FBN2: variants seen among roughly 807,000 people sequenced by gnomAD.
The protein encoded by FBN2 is fibrillin-2.
In FBN2, 105 loss-of-function variants were observed where a neutral mutation model predicts 355.6. That is an observed-to-expected ratio of 0.30 (90% CI 0.25 to 0.35). The LOEUF (loss-of-function observed/expected upper bound fraction) is 0.35, where lower values mean the gene tolerates loss of function less well. Ranked by LOEUF, FBN2 falls within the 10% of genes least tolerant of loss-of-function variation. FBN2 has a pLI of 1.00. For missense variants in FBN2, 3,280 were observed against 3,758.7 expected (o/e 0.87, Z 3.33); for synonymous variants, 1,350 against 1,301.2 (o/e 1.04, Z -0.81).
At chr5:128,476,965 C>A (rs550049728) in intron 5 of FBN2, among the ~76,000 whole-genome samples, 1 of 152,170 alleles carries the variant, frequency 6.6e-6, no homozygotes, top group Non-Finnish European at 1.5e-5. Flanking sequence ...AAAGAACACC[C>A]TGTGGTCTCT....
chr5:128,362,256 A>G (rs1751657627), intron 18 of FBN2, among the ~76,000 whole-genome samples: 1 of 152,226 alleles, frequency 6.6e-6, no homozygotes, highest in Non-Finnish European at 1.5e-5. Flanking sequence ...TAAAATTTTT[A>G]AAAAGAATGC....
rs1764890581 is a variant in FBN2 at position 128,259,107 on chromosome 5, CAA to C, written c.*346_*347del. ...TAATTAGCAACTATAGCAAAATACC[CAA>C]AGTGTTACAGACTGCTAACAGGAAA... On this transcript the variant is annotated 3_prime_UTR_variant, in exon 65 of 65. Coordinates refer to ENST00000262464, the MANE Select transcript of FBN2 (RefSeq NM_001999.4). 5.0e-6 allele frequency: 1 copy of C among 198,672 alleles called. No homozygotes were observed. The highest frequency in any genetic ancestry group is 1.0e-5 in the Non-Finnish European group (1 of 98,366). The allele number at this position is 198,672 out of a possible 1,614,324, so 12.3% of individuals were successfully genotyped here.
chr5:128,263,602 G>A lies in FBN2; in HGVS notation c.8015C>T (p.Thr2672Ile), dbSNP rs58095366. The change falls in exon 63 of 65, where the codon ACC becomes ATC. Residue 2672 changes from threonine to isoleucine, a missense_variant. Physicochemically the swap from Thr to Ile is moderately conservative, Grantham distance 89. Coordinates refer to ENST00000262464, the MANE Select transcript of FBN2 (RefSeq NM_001999.4). ...GCAGGCGCACTTGTAACTCCCCAGG[G>A]TGTTGTAGCAGGAAGCAGAGCCACA... ...NACGSASCYN[T>I]LGSYKCACPS... 4.3e-6 allele frequency: 7 copies of A among 1,614,118 alleles called. No individual in the cohort carries two copies. The African/African-American group carries it at 5.3e-5, about 12-fold the overall frequency.
Position 128,307,157 on chromosome 5 carries a change from G to T in FBN2, c.5400C>A (p.Asp1800Glu), listed in dbSNP as rs1561761126. 1.2e-6 allele frequency: 2 copies of T among 1,610,988 alleles called. No individual in the cohort carries two copies. Among genetic ancestry groups the T allele is most frequent in the Non-Finnish European group, 1.7e-6 (2 of 1,177,424 alleles). ...CACCAACAGCTTTTCCTGTGTGAAT[G>T]TCAAAGGTGAATCCAGGAATATTTC... The part of the protein sequence containing the change: ...ICGNIPGFTF[D>E]IHTGKAVDID... Residue 1800 changes from aspartate (D) to glutamate (E), a missense_variant, in exon 42 of 65, where the codon GAC becomes GAA. Asp to Glu is a conservative substitution (Grantham distance 45). This residue lies in a region of FBN2 where 2,284 missense variants were observed against 2,749.5 expected (regional missense o/e 0.83). Transcript: ENST00000262464.
At chr5:128,364,841 A>G in intron 17 of FBN2, 116 bp from the exon 18 acceptor site, 1 of 863,968 alleles carries the variant, frequency 1.2e-6, no homozygotes. Flanking sequence ...CAAACTCACA[A>G]TTTGCCTGCC....
At chr5:128,365,121 G>A in intron 17 of FBN2, 1 of 185,690 alleles carries the variant, frequency 5.4e-6, no homozygotes, top group Non-Finnish European at 1.1e-5. Flanking sequence ...TAATTTTATG[G>A]TCCCCAAAGG....
chr5:128,455,990 C>CAAAAAAAAAAAAAAAAAAAAAAAAA lies in FBN2; in HGVS notation c.826+8709_826+8733dup, dbSNP rs70997371. ...GAGCTCCTTGGGGGAGGGTTAGCAA[C>CAAAAAAAAAAAAAAAAAAAAAAAAA]AAAAAAAAAAAAAAAAAAAAAAAAA... On this transcript the variant is annotated intron_variant, in intron 6 of 64. Coordinates refer to ENST00000262464, the MANE Select transcript of FBN2 (RefSeq NM_001999.4). Among the ~76,000 whole-genome samples, 8 of 25,276 alleles carry CAAAAAAAAAAAAAAAAAAAAAAAAA rather than the reference C, an allele frequency of 3.2e-4. 2 individuals are homozygous for CAAAAAAAAAAAAAAAAAAAAAAAAA. The highest frequency in any genetic ancestry group is 5.5e-4 in the Non-Finnish European group (7 of 12,632). 16.6% of individuals were successfully genotyped at this position (25,276 alleles called of 152,430 possible). A position where few individuals can be genotyped will look rare whatever the true frequency, so the allele number is the denominator to read the frequency against.
At chr5:128,524,261 G>A (rs1189656583) in intron 4 of FBN2, among the ~76,000 whole-genome samples, 3 of 152,106 alleles carry the variant, frequency 2.0e-5, no homozygotes, top group African/African-American at 7.2e-5. Context: ...TCGGATCTGT[G>A]TTTCAATGTC....
At chr5:128,288,720 G>T (rs1010120375) in intron 52 of FBN2, among the ~76,000 whole-genome samples, 163 bp from the exon 53 acceptor site, 2 of 152,188 alleles carry the variant, frequency 1.3e-5, no homozygotes, top group African/African-American at 4.8e-5. Flanking sequence ...ATGTAGTGCA[G>T]AGGGTCTGAA....
chr5:128,537,693 A>T lies in FBN2; in HGVS notation c.-90T>A. On this transcript the variant is annotated 5_prime_UTR_variant, in exon 1 of 65. Transcript: ENST00000262464. Reference sequence around the variant, plus strand: ...GCGCCTCAGAAAAGAGTCAGGGTCTAATAAGCCCTTCGTCGGCTCCGGGGA... The same window carrying T: ...GCGCCTCAGAAAAGAGTCAGGGTCTTATAAGCCCTTCGTCGGCTCCGGGGA... 1.5e-6 allele frequency: 2 copies of T among 1,323,694 alleles called. No individual in the cohort carries two copies. The highest frequency in any genetic ancestry group is 1.8e-4 in the Middle Eastern group (1 of 5,516). The allele number at this position is 1,323,694 out of a possible 1,614,324, so 82.0% of individuals were successfully genotyped here. A position where few individuals can be genotyped will look rare whatever the true frequency, so the allele number is the denominator to read the frequency against.
chr5:128,375,267 A>C (rs893177797), intron 14 of FBN2, among the ~76,000 whole-genome samples: 1 of 152,220 alleles, frequency 6.6e-6, no homozygotes, highest in African/African-American at 2.4e-5. Flanking sequence ...CCGACTCAGG[A>C]ATACTTAAAA....
At chr5:128,297,513 G>T (rs1329184548) in intron 48 of FBN2, among the ~76,000 whole-genome samples, 1 of 152,134 alleles carries the variant, frequency 6.6e-6, no homozygotes, top group African/African-American at 2.4e-5. Flanking sequence ...TTATGAATCT[G>T]GGTGCTCCTG....
chr5:128,445,306 A>C (rs188931084), intron 7 of FBN2, among the ~76,000 whole-genome samples: 12 of 152,338 alleles, frequency 7.9e-5, no homozygotes, highest in Non-Finnish European at 1.6e-4. Flanking sequence ...GTATATAACT[A>C]TAACAATTAA....
chr5:128,420,893 T>C lies in FBN2; in HGVS notation c.953-12094A>G, dbSNP rs1459232680. On this transcript the variant is annotated intron_variant, in intron 7 of 64. Transcript: ENST00000262464. ...ATATAATTTATTCCATCAAAGAAGA[T>C]TAACAACATGTTACCTCAATTCAAC... 2.0e-5 allele frequency among the ~76,000 whole-genome samples: 3 copies of C among 152,202 alleles called. No homozygotes were observed. In the East Asian group the frequency reaches 5.8e-4, roughly 29 times the overall value.
At chr5:128,524,708 C>A (rs1449164277) in intron 4 of FBN2, among the ~76,000 whole-genome samples, 1 of 152,304 alleles carries the variant, frequency 6.6e-6, no homozygotes, top group East Asian at 1.9e-4. Flanking sequence ...ATCTTCCTTA[C>A]ACCATTCCTT....
At chr5:128,292,218 G>A (rs1274300249) in intron 48 of FBN2, among the ~76,000 whole-genome samples, 2 of 152,028 alleles carry the variant, frequency 1.3e-5, no homozygotes, top group African/African-American at 4.8e-5. Flanking sequence ...ACGTCCATCT[G>A]ATTACATTTG....
At chr5:128,495,975 A>AT (rs1755645156) in intron 5 of FBN2, among the ~76,000 whole-genome samples, 1 of 152,134 alleles carries the variant, frequency 6.6e-6, no homozygotes, top group African/African-American at 2.4e-5. Context: ...AGAAAATTGG[A>AT]TTTTCCAATT....
intron 62 of FBN2, among the ~76,000 whole-genome samples, chr5:128,266,126 G>A (rs1179022747): frequency 3.3e-5 from 5 of 152,288 alleles, no homozygotes; most frequent in African/African-American, 7.2e-5. Flanking sequence ...TCTGCCATAT[G>A]TTTGAGTTAA....
intron 7 of FBN2, among the ~76,000 whole-genome samples, chr5:128,417,512 G>A (rs1364997080): frequency 6.6e-6 from 1 of 152,056 alleles, no homozygotes. Flanking sequence ...TTTTAATGTC[G>A]AGGTATGTTC....
Sources: allele counts gnomAD v4.1 joint callset (sites outside exome capture counted in the v4.1 genomes callset), GRCh38; gene constraint gnomAD v4.1.1; regional missense constraint gnomAD v4.1.1; transcripts MANE v1.5; gene names NCBI Gene and HGNC (gene_info 2026-07-23, HGNC 2026-07-21).